Variants in MAP4K4 observed in about 807,000 individuals in gnomAD.
The protein encoded by MAP4K4 is mitogen-activated protein kinase kinase kinase kinase 4, also known as HPK/GCK-like kinase HGK.
In MAP4K4, 38 loss-of-function variants were observed where a neutral mutation model predicts 189.6. That is an observed-to-expected ratio of 0.20 (90% CI 0.15 to 0.26). MAP4K4 has a LOEUF of 0.26. Ranked by LOEUF, MAP4K4 falls within the 10% of genes least tolerant of loss-of-function variation. MAP4K4 has a pLI of 1.00. For synonymous variants in MAP4K4, 610 were observed against 624.3 expected, an observed-to-expected ratio of 0.98 and a Z score of 0.34; for missense variants, 1,054 against 1,726.9, an observed-to-expected ratio of 0.61 and a Z score of 6.91.
At chr2:101,813,253 T>A (rs976301825) in intron 3 of MAP4K4, among the ~76,000 whole-genome samples, 2 of 152,252 alleles carry the variant, frequency 1.3e-5, no homozygotes, top group African/African-American at 4.8e-5. Context: ...AATAATCTTT[T>A]AAAATTACAT....
intron 2 of MAP4K4, among the ~76,000 whole-genome samples, chr2:101,754,349 T>G (rs1056579388): frequency 4.3e-5 from 6 of 140,594 alleles, no homozygotes; most frequent in African/African-American, 1.6e-4. Flanking sequence ...CTGTTTTTTT[T>G]TTTTTTTTTT....
chr2:101,877,255 G>A (rs932174897), intron 27 of MAP4K4, 109 bp downstream of exon 27: 4 of 1,093,308 alleles, frequency 3.7e-6, no homozygotes, highest in African/African-American at 3.1e-5. Flanking sequence ...GCTAAATAAG[G>A]TACAACCACA....
chr2:101,780,859 A>G (rs2086972728), intron 2 of MAP4K4, among the ~76,000 whole-genome samples: 1 of 152,262 alleles, frequency 6.6e-6, no homozygotes, highest in Non-Finnish European at 1.5e-5. Context: ...TTGACTAATT[A>G]CTTGGCTGTT....
At chr2:101,724,787 T>TG (rs1182103847) in intron 2 of MAP4K4, among the ~76,000 whole-genome samples, 1 of 152,214 alleles carries the variant, frequency 6.6e-6, no homozygotes, top group Non-Finnish European at 1.5e-5. Flanking sequence ...CTGTATTTTT[T>TG]TAAAGCTGGC....
chr2:101,713,864 A>T (rs1437302832), intron 2 of MAP4K4, among the ~76,000 whole-genome samples: 2 of 152,142 alleles, frequency 1.3e-5, no homozygotes, highest in African/African-American at 4.8e-5. Context: ...ACTGCACTCC[A>T]GCCTGGGTGA....
chr2:101,802,458 C>T (rs2094458909), intron 3 of MAP4K4, among the ~76,000 whole-genome samples: 1 of 152,124 alleles, frequency 6.6e-6, no homozygotes. Flanking sequence ...GCCCTCCTCT[C>T]CTCCTTCTAC....
chr2:101,786,299 G>A (rs2091215625), intron 2 of MAP4K4, among the ~76,000 whole-genome samples: 2 of 152,028 alleles, frequency 1.3e-5, no homozygotes, highest in South Asian at 4.1e-4. Flanking sequence ...GGTTTTTCGA[G>A]TGTGAGGTGG....
exon 15 of MAP4K4, chr2:101,859,777 G>T (rs746007591): frequency 1.7e-5 from 27 of 1,610,068 alleles, no homozygotes; most frequent in Non-Finnish European, 2.2e-5. Context: ...CGCAGCAGCC[G>T]CCACCACCGC....
chr2:101,741,674 C>G (rs905917701), intron 2 of MAP4K4, among the ~76,000 whole-genome samples: 1 of 151,710 alleles, frequency 6.6e-6, no homozygotes, highest in Non-Finnish European at 1.5e-5. Context: ...TTTCAATTTT[C>G]ATGAGTGCAA....
chr2:101,871,597 C>T (rs2150048995), exon 24 of MAP4K4: 5 of 1,536,514 alleles, frequency 3.3e-6, no homozygotes, highest in Non-Finnish European at 4.4e-6. Flanking sequence ...TCCTCCTCCA[C>T]TTCCTCCACC....
chr2:101,888,059 T>G lies in MAP4K4; in HGVS notation c.3931+122T>G, dbSNP rs1031396958. The G allele has an allele frequency of 6.4e-6, 5 of 782,218 alleles. No homozygotes were observed. In the African/African-American group the frequency reaches 8.8e-5, roughly 14 times the overall value. The allele number at this position is 782,218 out of a possible 1,614,324, so 48.5% of individuals were successfully genotyped here. A position where few individuals can be genotyped will look rare whatever the true frequency, so the allele number is the denominator to read the frequency against. ...TTTTGACTACCATTGAACAGAGTAGTTGGCAGTAGATGGTGGAAAGTTAGA... is the reference window on the plus strand; with the variant it reads ...TTTTGACTACCATTGAACAGAGTAGGTGGCAGTAGATGGTGGAAAGTTAGA... On this transcript the variant is annotated intron_variant, in intron 31 of 32. Coordinates refer to ENST00000324219, the Ensembl canonical transcript of MAP4K4.
intron 2 of MAP4K4, among the ~76,000 whole-genome samples, chr2:101,758,047 T>TAAC (rs988659682): frequency 6.6e-6 from 1 of 152,012 alleles, no homozygotes; most frequent in African/African-American, 2.4e-5. Context: ...ACAAAAGCAA[T>TAAC]AACAATACAT....
intron 2 of MAP4K4, among the ~76,000 whole-genome samples, chr2:101,719,229 G>GTGCTACTGTCT (rs2050271814): frequency 6.6e-6 from 1 of 152,194 alleles, no homozygotes; most frequent in Non-Finnish European, 1.5e-5. Context: ...GTGCAGTGAA[G>GTGCTACTGTCT]TGCTACTGTC....
At chr2:101,732,554 T>C (rs957651623) in intron 2 of MAP4K4, among the ~76,000 whole-genome samples, 15 of 152,176 alleles carry the variant, frequency 9.9e-5, no homozygotes, top group African/African-American at 3.6e-4. Flanking sequence ...TTTTGTAGCA[T>C]GGCTTCCAGT....
intron 2 of MAP4K4, among the ~76,000 whole-genome samples, chr2:101,782,367 A>G (rs2088093861): frequency 6.6e-6 from 1 of 152,202 alleles, no homozygotes; most frequent in African/African-American, 2.4e-5. Context: ...TGTTTCAGAT[A>G]AGGTAGCTGC....
At chr2:101,713,851 G>A (rs987892986) in intron 2 of MAP4K4, among the ~76,000 whole-genome samples, 6 of 151,880 alleles carry the variant, frequency 4.0e-5, no homozygotes, top group Admixed American at 1.3e-4. Context: ...CTGAGGTCGC[G>A]CCACTGCACT....
intron 3 of MAP4K4, among the ~76,000 whole-genome samples, chr2:101,818,560 A>G (rs937207162): frequency 4.6e-5 from 7 of 152,166 alleles, no homozygotes; most frequent in African/African-American, 1.7e-4. Context: ...ATGGGAAAAA[A>G]TTTAGGTAAC....
At chr2:101,813,719 A>G (rs1325262114) in intron 3 of MAP4K4, among the ~76,000 whole-genome samples, 3 of 152,198 alleles carry the variant, frequency 2.0e-5, no homozygotes, top group East Asian at 1.9e-4. Flanking sequence ...GCATCCAACA[A>G]GATTTTCCCC....
At chr2:101,756,055 C>T (rs1043495089) in intron 2 of MAP4K4, among the ~76,000 whole-genome samples, 6 of 150,768 alleles carry the variant, frequency 4.0e-5, no homozygotes, top group Non-Finnish European at 7.4e-5. Flanking sequence ...ATTCTCCCGC[C>T]TCAGCCTCCT....
Sources: allele counts gnomAD v4.1 joint callset (sites outside exome capture counted in the v4.1 genomes callset), GRCh38; gene constraint gnomAD v4.1.1; transcripts MANE v1.5; gene names NCBI Gene and HGNC (gene_info 2026-07-23, HGNC 2026-07-21).